ZNRF2: variants seen among roughly 807,000 people sequenced by gnomAD.
The protein encoded by ZNRF2 is E3 ubiquitin-protein ligase ZNRF2.
A neutral mutation model predicts 20.4 loss-of-function variants in ZNRF2; 16 were observed. The ratio of observed to expected loss-of-function variants is 0.79; its 90% CI spans 0.53 to 1.19. The LOEUF (loss-of-function observed/expected upper bound fraction) is 1.19, where lower values mean the gene tolerates loss of function less well. Ranked by LOEUF, ZNRF2 falls within the 50% of genes most tolerant of loss-of-function variation. ZNRF2 has a pLI of 0.00. For synonymous variants in ZNRF2, 178 were observed against 144.9 expected (o/e 1.23, Z -1.64); for missense variants, 363 against 332.4 (o/e 1.09, Z -0.72).
At chr7:30,364,242 A>G (rs568521742) in intron 4 of ZNRF2, among the ~76,000 whole-genome samples, 10 of 152,348 alleles carry the variant, frequency 6.6e-5, no homozygotes, top group African/African-American at 2.4e-4. Flanking sequence ...TGAGAACTGC[A>G]GTTGAGTGTC....
intron 2 of ZNRF2, among the ~76,000 whole-genome samples, chr7:30,327,786 C>T (rs1169702457): frequency 6.6e-6 from 1 of 152,012 alleles, no homozygotes; most frequent in East Asian, 1.9e-4. Flanking sequence ...ACGACAGCCT[C>T]AAACTCCTGG....
At chr7:30,318,076 G>A (rs572000140) in intron 1 of ZNRF2, among the ~76,000 whole-genome samples, 1 of 152,278 alleles carries the variant, frequency 6.6e-6, no homozygotes, top group Non-Finnish European at 1.5e-5. Context: ...GTGGAGCTTT[G>A]TTTTAGGGAC....
At chr7:30,360,340 C>T (rs1411014632) in intron 3 of ZNRF2, among the ~76,000 whole-genome samples, 1 of 152,124 alleles carries the variant, frequency 6.6e-6, no homozygotes, top group Non-Finnish European at 1.5e-5. Flanking sequence ...AAATGTCCAT[C>T]AGTGAAAGAA....
At chr7:30,289,958 A>C in intron 1 of ZNRF2, 1 of 515,706 alleles carries the variant, frequency 1.9e-6, no homozygotes, top group South Asian at 1.5e-5. Flanking sequence ...ACCAAATATC[A>C]TTAATGAGAT....
intron 1 of ZNRF2, among the ~76,000 whole-genome samples, chr7:30,294,058 G>A (rs1483528875): frequency 3.3e-5 from 5 of 151,536 alleles, no homozygotes; most frequent in Non-Finnish European, 7.4e-5. Context: ...TCGCTATATT[G>A]CCCAGGCAGG....
At position 30,366,401 on chromosome 7, in the gene ZNRF2, ATTTGT is replaced by A. The variant is rs1409206744; in HGVS notation, c.*398_*402del. ...GAGCTGCACAACTAGTTATGTTTTG[ATTTGT>A]TTTGTTTTTTAATTTGGGGTCTCTT... is the stretch of plus-strand genomic sequence containing the variant. On this transcript the variant is annotated 3_prime_UTR_variant, in exon 5 of 5. Coordinates refer to ENST00000323037, the MANE Select transcript of ZNRF2 (RefSeq NM_147128.4). 1 of 152,512 alleles carries A rather than the reference ATTTGT, an allele frequency of 6.6e-6. No individual in the cohort carries two copies. The highest frequency in any genetic ancestry group is 1.9e-4 in the East Asian group (1 of 5,200). The allele number at this position is 152,512 out of a possible 1,614,324, so 9.4% of individuals were successfully genotyped here.
intron 2 of ZNRF2, among the ~76,000 whole-genome samples, chr7:30,353,698 A>G (rs1799992051): frequency 6.6e-6 from 1 of 152,178 alleles, no homozygotes; most frequent in South Asian, 2.1e-4. Context: ...TCTGAAAATG[A>G]GATGCGTCTA....
chr7:30,365,739 A>T (rs1800203338), intron 4 of ZNRF2, among the ~76,000 whole-genome samples: 1 of 152,114 alleles, frequency 6.6e-6, no homozygotes, highest in South Asian at 2.1e-4. Flanking sequence ...AGACATGAAT[A>T]TTTGTGGTCT....
chr7:30,327,917 A>G (rs1380639293), intron 2 of ZNRF2, among the ~76,000 whole-genome samples: 1 of 152,140 alleles, frequency 6.6e-6, no homozygotes, highest in Non-Finnish European at 1.5e-5. Flanking sequence ...TATTAATTGT[A>G]TAAACATTCA....
At chr7:30,333,972 T>C (rs1272635223) in intron 2 of ZNRF2, among the ~76,000 whole-genome samples, 1 of 152,196 alleles carries the variant, frequency 6.6e-6, no homozygotes, top group Non-Finnish European at 1.5e-5. Flanking sequence ...GAATTCCTTT[T>C]GCTGTGAAGA....
At chr7:30,330,547 T>C (rs551094199) in intron 2 of ZNRF2, among the ~76,000 whole-genome samples, 1 of 152,276 alleles carries the variant, frequency 6.6e-6, no homozygotes, top group South Asian at 2.1e-4. Context: ...CTGCTAATCA[T>C]CTGGGTTCCT....
At chr7:30,322,228 A>G (rs915884479) in intron 1 of ZNRF2, among the ~76,000 whole-genome samples, 2 of 152,172 alleles carry the variant, frequency 1.3e-5, no homozygotes, top group Non-Finnish European at 2.9e-5. Flanking sequence ...AAAACATTGT[A>G]CAAAATCATA....
intron 2 of ZNRF2, among the ~76,000 whole-genome samples, chr7:30,335,645 G>A (rs1208906348): frequency 6.6e-6 from 1 of 151,978 alleles, no homozygotes; most frequent in Middle Eastern, 3.2e-3. Flanking sequence ...TGAGAGAAAG[G>A]GAGGCCACGT....
At chr7:30,350,404 T>C (rs1228239350) in intron 2 of ZNRF2, among the ~76,000 whole-genome samples, 1 of 152,058 alleles carries the variant, frequency 6.6e-6, no homozygotes, top group Non-Finnish European at 1.5e-5. Context: ...GATCAATTCT[T>C]AGTTACATTT....
At chr7:30,292,098 A>T (rs1341014879) in intron 1 of ZNRF2, among the ~76,000 whole-genome samples, 4 of 152,222 alleles carry the variant, frequency 2.6e-5, no homozygotes, top group African/African-American at 4.8e-5. Flanking sequence ...AAAATTTGGA[A>T]CATTCATTTT....
chr7:30,295,546 C>T (rs572273331), intron 1 of ZNRF2, among the ~76,000 whole-genome samples: 2 of 152,062 alleles, frequency 1.3e-5, no homozygotes, highest in Non-Finnish European at 2.9e-5. Flanking sequence ...CCAGGTTCTA[C>T]CAAAAATACA....
chr7:30,311,800 G>A (rs1304041480), intron 1 of ZNRF2, among the ~76,000 whole-genome samples: 1 of 152,120 alleles, frequency 6.6e-6, no homozygotes, highest in Admixed American at 6.6e-5. Flanking sequence ...ACAGTAGTCG[G>A]CAAAATTTTA....
At chr7:30,319,765 G>A (rs1037993140) in intron 1 of ZNRF2, among the ~76,000 whole-genome samples, 1 of 152,130 alleles carries the variant, frequency 6.6e-6, no homozygotes, top group African/African-American at 2.4e-5. Flanking sequence ...TGACACTAGT[G>A]ATTCATTGTC....
chr7:30,357,533 A>T (rs1366550432), intron 3 of ZNRF2, among the ~76,000 whole-genome samples: 4 of 152,202 alleles, frequency 2.6e-5, no homozygotes, highest in African/African-American at 9.6e-5. Context: ...TTTCTTACTT[A>T]AGAAATCAGA....
Sources: gnomAD v4.1 joint callset for allele counts (sites outside exome capture counted in the v4.1 genomes callset) on GRCh38, gnomAD v4.1.1 for gene constraint, MANE v1.5 for transcripts, NCBI Gene and HGNC (gene_info 2026-07-23, HGNC 2026-07-21) for gene names.